Variants in CDH13 observed in about 807,000 individuals in gnomAD.
CDH13 encodes the protein cadherin-13.
In CDH13, 24 loss-of-function variants were observed where a neutral mutation model predicts 63.8. The observed-to-expected ratio is 0.38, with a 90% CI of 0.27 to 0.53. The LOEUF is 0.53. Ranked by LOEUF, CDH13 falls within the 20% of genes least tolerant of loss-of-function variation. CDH13 has a pLI of 0.85. For synonymous variants in CDH13, 503 were observed against 355.3 expected, an observed-to-expected ratio of 1.42 and a Z score of -4.67; for missense variants, 1,049 against 903.1, an observed-to-expected ratio of 1.16 and a Z score of -2.07.
chr16:83,634,971 G>C (rs956843318), intron 8 of CDH13, among the ~76,000 whole-genome samples: 2 of 152,150 alleles, frequency 1.3e-5, no homozygotes, highest in African/African-American at 4.8e-5. Context: ...TATATTAAGT[G>C]CATGTTAGTT....
intron 1 of CDH13, among the ~76,000 whole-genome samples, chr16:82,628,865 G>C (rs1907675869): frequency 6.6e-6 from 1 of 152,222 alleles, no homozygotes; most frequent in Non-Finnish European, 1.5e-5. Context: ...ACCCGGGCAA[G>C]TTGTTTAACC....
intron 6 of CDH13, among the ~76,000 whole-genome samples, chr16:83,455,800 T>C (rs1472529124): frequency 6.6e-6 from 1 of 152,214 alleles, no homozygotes; most frequent in Non-Finnish European, 1.5e-5. Context: ...TCTCTTCTGT[T>C]AGTGGCGCAG....
intron 1 of CDH13, chr16:82,705,057 TGTA>T: frequency 2.3e-6 from 1 of 437,940 alleles, no homozygotes; most frequent in Non-Finnish European, 4.5e-6. Context: ...TTTTTATTCT[TGTA>T]GACACCAGTG....
intron 2 of CDH13, among the ~76,000 whole-genome samples, chr16:82,901,221 T>A (rs1789574165): frequency 6.6e-6 from 1 of 152,120 alleles, no homozygotes; most frequent in Non-Finnish European, 1.5e-5. Context: ...CATCACAGCT[T>A]ATTTTCTAGC....
intron 1 of CDH13, among the ~76,000 whole-genome samples, chr16:82,691,821 A>G (rs1172285085): frequency 1.3e-5 from 2 of 152,094 alleles, no homozygotes; most frequent in Non-Finnish European, 2.9e-5. Flanking sequence ...TGGGATCTCG[A>G]TGATGCTGGA....
At chr16:83,550,867 T>C (rs2150670096) in intron 7 of CDH13, among the ~76,000 whole-genome samples, 1 of 152,274 alleles carries the variant, frequency 6.6e-6, no homozygotes, top group African/African-American at 2.4e-5. Context: ...CCTCTCAGGT[T>C]AGAAATCTAA....
At chr16:83,617,121 T>G (rs1909349753) in intron 8 of CDH13, among the ~76,000 whole-genome samples, 1 of 152,188 alleles carries the variant, frequency 6.6e-6, no homozygotes, top group Admixed American at 6.5e-5. Context: ...CCCCTCTCCC[T>G]AATCCGCTTG....
At position 82,937,235 on chromosome 16, in the gene CDH13, G is replaced by T. The variant is rs141571786; in HGVS notation, c.157+78762G>T. Among the ~76,000 whole-genome samples the T allele has an allele frequency of 4.5e-3, 679 of 152,188 alleles. 5 individuals are homozygous for T. Among genetic ancestry groups the T allele is most frequent in the African/African-American group, 0.015 (640 of 41,504 alleles). ...ATAGTACAAGCCGTGACTCATGCTA[G>T]GTGCTAGCCTCACAGATATACATAA... On this transcript the variant is annotated intron_variant, in intron 2 of 13. Coordinates refer to ENST00000567109, the MANE Select transcript of CDH13 (RefSeq NM_001257.5).
intron 5 of CDH13, among the ~76,000 whole-genome samples, chr16:83,343,555 A>G (rs1242736137): frequency 6.6e-6 from 1 of 152,168 alleles, no homozygotes; most frequent in African/African-American, 2.4e-5. Context: ...TTTGAAAAGG[A>G]TTATACTGGT....
chr16:82,721,821 C>T (rs889761422), intron 1 of CDH13, among the ~76,000 whole-genome samples: 4 of 152,086 alleles, frequency 2.6e-5, no homozygotes, highest in African/African-American at 9.7e-5. Flanking sequence ...TGTGATGGAG[C>T]AGAGAGGGCA....
In CDH13 at chr16:83,733,687, G is replaced by A. The variant is rs577781546; in HGVS notation, c.1539-14421G>A. On this transcript the variant is annotated intron_variant, in intron 10 of 13. Coordinates refer to ENST00000567109, the MANE Select transcript of CDH13 (RefSeq NM_001257.5). ...GCCAGAGCAAAGGCCATGGTGTGTC[G>A]GTTAATCACCCAATAAAAATAAACT... Among the ~76,000 whole-genome samples, 14 of 152,206 alleles carry A rather than the reference G, an allele frequency of 9.2e-5. No homozygotes were observed. The South Asian group carries it at 1.0e-3, about 11-fold the overall frequency.
At chr16:83,511,461 C>T (rs1367665784) in intron 7 of CDH13, among the ~76,000 whole-genome samples, 1 of 131,138 alleles carries the variant, frequency 7.6e-6, no homozygotes, top group Non-Finnish European at 1.7e-5. Context: ...GATTCCATCT[C>T]AAAAAAAAAA....
chr16:83,394,676 G>C (rs548791237), intron 6 of CDH13, among the ~76,000 whole-genome samples: 1 of 152,338 alleles, frequency 6.6e-6, no homozygotes, highest in African/African-American at 2.4e-5. Context: ...GTGTCTGGAA[G>C]AGATCAAAGT....
At chr16:83,350,166 T>C (rs2090922261) in intron 6 of CDH13, among the ~76,000 whole-genome samples, 2 of 152,168 alleles carry the variant, frequency 1.3e-5, no homozygotes, top group South Asian at 2.1e-4. Context: ...TCCTGTCCTC[T>C]TGAGGCCTCG....
intron 1 of CDH13, among the ~76,000 whole-genome samples, chr16:82,744,498 A>G (rs1002047449): frequency 4.6e-5 from 7 of 152,118 alleles, no homozygotes; most frequent in South Asian, 4.2e-4. Context: ...TAATGTATCT[A>G]TACGTCTTAC....
chr16:83,300,495 G>C (rs2089708223), intron 5 of CDH13, among the ~76,000 whole-genome samples: 1 of 152,228 alleles, frequency 6.6e-6, no homozygotes, highest in Non-Finnish European at 1.5e-5. Flanking sequence ...GACCTGACAA[G>C]TTACCAGCTG....
At chr16:83,376,311 G>A (rs1472954274) in intron 6 of CDH13, among the ~76,000 whole-genome samples, 3 of 152,172 alleles carry the variant, frequency 2.0e-5, no homozygotes, top group Non-Finnish European at 4.4e-5. Flanking sequence ...ACTCAAAGGG[G>A]CTTGTGCCTA....
chr16:82,871,995 T>A (rs937915057), intron 2 of CDH13, among the ~76,000 whole-genome samples: 15 of 152,308 alleles, frequency 9.8e-5, no homozygotes, highest in African/African-American at 3.6e-4. Flanking sequence ...AGTTATTATA[T>A]CCAAGAAAAT....
intron 6 of CDH13, among the ~76,000 whole-genome samples, chr16:83,476,601 G>T (rs1396288552): frequency 6.6e-6 from 1 of 152,088 alleles, no homozygotes; most frequent in African/African-American, 2.4e-5. Context: ...TGAACCTGGG[G>T]GACAGAGGTT....
Sources: allele counts gnomAD v4.1 joint callset (sites outside exome capture counted in the v4.1 genomes callset), GRCh38; gene constraint gnomAD v4.1.1; transcripts MANE v1.5; gene names NCBI Gene and HGNC (gene_info 2026-07-23, HGNC 2026-07-21).